Variants in CDC42SE2 observed in about 807,000 individuals in gnomAD.
CDC42SE2 encodes the protein CDC42 small effector protein 2.
A neutral mutation model predicts 11.5 loss-of-function variants in CDC42SE2; 3 were observed. The observed-to-expected ratio is 0.26, with a 90% CI of 0.12 to 0.67. CDC42SE2 has a LOEUF of 0.67. Ranked by LOEUF, CDC42SE2 falls within the 30% of genes least tolerant of loss-of-function variation. CDC42SE2 has a pLI of 0.80. For synonymous variants in CDC42SE2, 33 were observed against 34.8 expected, an observed-to-expected ratio of 0.95 and a Z score of 0.18; for missense variants, 82 against 106.8, an observed-to-expected ratio of 0.77 and a Z score of 1.02.
chr5:131,307,172 C>T (rs1165948508), intron 1 of CDC42SE2, among the ~76,000 whole-genome samples: 5 of 151,176 alleles, frequency 3.3e-5, no homozygotes, highest in Non-Finnish European at 7.4e-5. Flanking sequence ...CCCACTAACT[C>T]GTCATCTAGC....
chr5:131,354,939 G>A (rs956612218), intron 2 of CDC42SE2, among the ~76,000 whole-genome samples: 1 of 152,180 alleles, frequency 6.6e-6, no homozygotes, highest in African/African-American at 2.4e-5. Context: ...TGCTTCAGCT[G>A]CGCCAAATGT....
At chr5:131,248,865 A>G (rs1756617439) in intron 1 of CDC42SE2, among the ~76,000 whole-genome samples, 1 of 152,172 alleles carries the variant, frequency 6.6e-6, no homozygotes, top group Non-Finnish European at 1.5e-5. Context: ...ACTTATTATT[A>G]TGAATGTATC....
At chr5:131,309,980 T>G (rs980448190) in intron 1 of CDC42SE2, among the ~76,000 whole-genome samples, 41 of 152,192 alleles carry the variant, frequency 2.7e-4, no homozygotes, top group Middle Eastern at 3.4e-3. Context: ...ATTTCTTGCC[T>G]TCTTCTAGCT....
chr5:131,374,673 C>T (rs1048731336), intron 3 of CDC42SE2, among the ~76,000 whole-genome samples: 1 of 151,402 alleles, frequency 6.6e-6, no homozygotes, highest in African/African-American at 2.4e-5. Context: ...GTACTTGGCT[C>T]AATTGTAAAC....
chr5:131,214,437 G>A, the CDC42SE2 span, among the ~76,000 whole-genome samples: 1 of 152,152 alleles, frequency 6.6e-6, no homozygotes, highest in African/African-American at 2.4e-5. Flanking sequence ...TGTTTGTGAG[G>A]GAGGAGTACT....
intron 3 of CDC42SE2, among the ~76,000 whole-genome samples, chr5:131,379,181 A>G (rs1750243079): frequency 2.0e-5 from 3 of 152,192 alleles, no homozygotes. Context: ...TTATACCCTG[A>G]AAGTTCCAGC....
intron 1 of CDC42SE2, among the ~76,000 whole-genome samples, chr5:131,308,819 T>C (rs2149722067): frequency 6.6e-6 from 1 of 152,310 alleles, no homozygotes; most frequent in Middle Eastern, 3.4e-3. Context: ...TTGTTGAAGT[T>C]GCTTATCAGC....
chr5:131,371,057 C>A (rs1170377150), intron 3 of CDC42SE2, among the ~76,000 whole-genome samples: 1 of 152,098 alleles, frequency 6.6e-6, no homozygotes, highest in East Asian at 1.9e-4. Flanking sequence ...TGATATGTAT[C>A]TGTGACTAAA....
chr5:131,352,339 A>G (rs894007564), intron 2 of CDC42SE2, among the ~76,000 whole-genome samples: 1 of 152,236 alleles, frequency 6.6e-6, no homozygotes, highest in African/African-American at 2.4e-5. Context: ...TAATATCCAT[A>G]TAATGGAAAT....
intron 1 of CDC42SE2, among the ~76,000 whole-genome samples, chr5:131,313,739 T>C (rs182202957): frequency 6.6e-6 from 1 of 152,334 alleles, no homozygotes; most frequent in Non-Finnish European, 1.5e-5. Context: ...GAATTCTGGT[T>C]GTATAAGGCT....
rs370748020 is a variant in CDC42SE2, at chr5:131,387,802, C to T, written c.156+2158C>T. ...TAGCTGTGGTAGAGTTTCTACCTTG[C>T]TGTCTCCAGGCAGCCTTCTCTGCTA... On this transcript the variant is annotated intron_variant, in intron 4 of 4. Coordinates refer to ENST00000505065, the MANE Select transcript of CDC42SE2 (RefSeq NM_001375635.1). Among the ~76,000 whole-genome samples, 10 of 152,138 alleles carry T rather than the reference C, an allele frequency of 6.6e-5. No individual in the cohort carries two copies. In the East Asian group the frequency reaches 7.7e-4, roughly 12 times the overall value.
At chr5:131,224,164 C>T in the CDC42SE2 span, among the ~76,000 whole-genome samples, 3 of 152,166 alleles carry the variant, frequency 2.0e-5, no homozygotes, top group Non-Finnish European at 4.4e-5. Context: ...TCTTAAAAAT[C>T]TCATCTGTTT....
chr5:131,226,365 C>T, the CDC42SE2 span, among the ~76,000 whole-genome samples: 60 of 152,294 alleles, frequency 3.9e-4, no homozygotes, highest in Middle Eastern at 3.4e-3. Context: ...ATAGTCTTGG[C>T]CCCTTAACAA....
At chr5:131,359,068 T>G (rs1269537940) in intron 2 of CDC42SE2, 141 bp from the exon 3 acceptor site, 5 of 156,290 alleles carry the variant, frequency 3.2e-5, no homozygotes, top group Non-Finnish European at 7.0e-5. Flanking sequence ...AAAAAATAAT[T>G]TGTTGAATCA....
intron 2 of CDC42SE2, among the ~76,000 whole-genome samples, chr5:131,318,746 C>T (rs576388073): frequency 1.3e-5 from 2 of 152,278 alleles, no homozygotes; most frequent in African/African-American, 4.8e-5. Flanking sequence ...TTTTGTCTTA[C>T]ATTTTTGTGA....
chr5:131,321,834 A>G (rs1274044771), intron 2 of CDC42SE2, among the ~76,000 whole-genome samples: 1 of 151,966 alleles, frequency 6.6e-6, no homozygotes, highest in Non-Finnish European at 1.5e-5. Flanking sequence ...CCCAATCTAC[A>G]TTAGAAATGT....
chr5:131,363,985 C>A (rs1300264926), intron 3 of CDC42SE2, among the ~76,000 whole-genome samples: 1 of 152,082 alleles, frequency 6.6e-6, no homozygotes, highest in Admixed American at 6.6e-5. Flanking sequence ...CATGAGCCAC[C>A]ACACCTGGCC....
chr5:131,262,747 T>C (rs532387748), upstream of CDC42SE2, among the ~76,000 whole-genome samples: 223 of 152,358 alleles, frequency 1.5e-3, 7 homozygotes, highest in South Asian at 0.044. Flanking sequence ...GTAAGTGCTA[T>C]GTAAATAGCT....
the CDC42SE2 span, among the ~76,000 whole-genome samples, chr5:131,224,882 C>G: frequency 2.6e-5 from 4 of 151,628 alleles, no homozygotes; most frequent in South Asian, 6.2e-4. Flanking sequence ...CAAGCAGAAG[C>G]AGCATCTGGG....
Sources: allele counts gnomAD v4.1 joint callset (sites outside exome capture counted in the v4.1 genomes callset), GRCh38; gene constraint gnomAD v4.1.1; transcripts MANE v1.5; gene names NCBI Gene and HGNC (gene_info 2026-07-23, HGNC 2026-07-21).